SSBP3: variants seen among roughly 807,000 people sequenced by gnomAD.
The protein encoded by SSBP3 is single stranded DNA binding protein 3, also known as single-stranded DNA-binding protein 3.
In SSBP3, 5 loss-of-function variants were observed where a neutral mutation model predicts 69.6. That is an observed-to-expected ratio of 0.07 (90% CI 0.04 to 0.15). SSBP3 has a LOEUF of 0.15. Among genes scored for constraint, SSBP3 ranks in the 10% least tolerant of loss-of-function variants. The pLI is 1.00. For synonymous variants in SSBP3, 196 were observed against 193.4 expected (o/e 1.01, Z -0.11); for missense variants, 312 against 534.0 (o/e 0.58, Z 4.10).
At chr1:54,254,631 G>A (rs190440481) in intron 7 of SSBP3, among the ~76,000 whole-genome samples, 7 of 152,134 alleles carry the variant, frequency 4.6e-5, no homozygotes, top group Non-Finnish European at 7.4e-5. Flanking sequence ...CTCTAGTCTC[G>A]GCTCCCTTTA....
intron 6 of SSBP3, among the ~76,000 whole-genome samples, chr1:54,257,862 T>C (rs1352847658): frequency 6.6e-6 from 1 of 152,240 alleles, no homozygotes; most frequent in Non-Finnish European, 1.5e-5. Context: ...TATTTTTTCC[T>C]TTTGGTTTCG....
intron 7 of SSBP3, 49 bp from the exon 8 acceptor site, chr1:54,251,909 G>C (rs1398479897): frequency 1.3e-6 from 2 of 1,535,626 alleles, no homozygotes; most frequent in African/African-American, 1.4e-5. Flanking sequence ...GGAGCTGCTG[G>C]CCATGGGGAC....
chr1:54,259,640 T>C lies in SSBP3; in HGVS notation c.367-1491A>G, dbSNP rs1644983703. On this transcript the variant is annotated intron_variant, in intron 5 of 17. Coordinates refer to ENST00000610401, the Ensembl canonical transcript of SSBP3. ...GAGCTGCCTAGGTAGGGTTTCCCCC[T>C]TGGCCTTCTCCTGCAGAGCCAGGCT... is the stretch of plus-strand genomic sequence containing the variant. 2.0e-5 allele frequency among the ~76,000 whole-genome samples: 3 copies of C among 152,244 alleles called. No individual in the cohort carries two copies. The South Asian group carries it at 6.2e-4, about 31-fold the overall frequency.
At chr1:54,294,193 AAAG>A (rs1306427658) in intron 4 of SSBP3, among the ~76,000 whole-genome samples, 2 of 150,562 alleles carry the variant, frequency 1.3e-5, no homozygotes, top group African/African-American at 4.9e-5. Flanking sequence ...GAAAGAAAGA[AAAG>A]AAAAAAGAAA....
chr1:54,371,748 G>T (rs184209699), intron 4 of SSBP3, among the ~76,000 whole-genome samples: 26 of 152,178 alleles, frequency 1.7e-4, no homozygotes, highest in Admixed American at 9.2e-4. Context: ...CCGTGCCCAC[G>T]TTTTATCTAA....
At chr1:54,346,732 G>A (rs917069346) in intron 4 of SSBP3, among the ~76,000 whole-genome samples, 3 of 151,284 alleles carry the variant, frequency 2.0e-5, no homozygotes, top group Non-Finnish European at 4.4e-5. Context: ...GGAGAATGGC[G>A]TGAACCCGGG....
At chr1:54,238,841 C>A (rs1049704389) in intron 14 of SSBP3, 2 of 404,826 alleles carry the variant, frequency 4.9e-6, no homozygotes, top group African/African-American at 4.2e-5. Context: ...TACAGCATGG[C>A]GCTTCCCCCA....
chr1:54,254,670 C>T (rs1018773935), intron 7 of SSBP3, among the ~76,000 whole-genome samples: 4 of 152,282 alleles, frequency 2.6e-5, no homozygotes, highest in Admixed American at 1.3e-4. Context: ...TGAGCTAACT[C>T]GGGTGGCACA....
At chr1:54,325,925 C>T (rs988027009) in intron 4 of SSBP3, among the ~76,000 whole-genome samples, 7 of 152,118 alleles carry the variant, frequency 4.6e-5, no homozygotes, top group African/African-American at 1.4e-4. Flanking sequence ...GGGGATTGTA[C>T]TCTCGGGTGG....
chr1:54,307,623 A>G (rs897138965), intron 4 of SSBP3, among the ~76,000 whole-genome samples: 2 of 152,208 alleles, frequency 1.3e-5, no homozygotes, highest in Non-Finnish European at 2.9e-5. Context: ...AAGTCACAGG[A>G]TGAGACAGGA....
chr1:54,285,384 T>G (rs1330557049), intron 4 of SSBP3: 1 of 152,152 alleles, frequency 6.6e-6, no homozygotes, highest in Non-Finnish European at 1.5e-5. Flanking sequence ...GCACCAACCC[T>G]CCTGCAGCTC....
intron 4 of SSBP3, among the ~76,000 whole-genome samples, chr1:54,282,145 T>G (rs1645406696): frequency 6.6e-6 from 1 of 152,208 alleles, no homozygotes; most frequent in Admixed American, 6.5e-5. Context: ...CCAAAGGTAC[T>G]TCCTGCGGTG....
At chr1:54,273,373 T>G (rs1645229500) in intron 5 of SSBP3, among the ~76,000 whole-genome samples, 1 of 152,062 alleles carries the variant, frequency 6.6e-6, no homozygotes, top group Non-Finnish European at 1.5e-5. Context: ...GGCCACAACT[T>G]TTTTTCCTAT....
intron 14 of SSBP3, among the ~76,000 whole-genome samples, chr1:54,231,431 C>T (rs920324160): frequency 2.0e-5 from 3 of 152,176 alleles, no homozygotes; most frequent in African/African-American, 7.2e-5. Context: ...ATTCAAGTCC[C>T]TTATCAGACA....
At chr1:54,288,359 A>G (rs924891691) in intron 4 of SSBP3, among the ~76,000 whole-genome samples, 5 of 152,176 alleles carry the variant, frequency 3.3e-5, no homozygotes, top group African/African-American at 1.2e-4. Flanking sequence ...GACACTGTGG[A>G]TGTCCAAGGA....
At position 54,357,844 on chromosome 1, in the gene SSBP3, C is replaced by G. The variant is rs114266925; in HGVS notation, c.276+44017G>C. On this transcript the variant is annotated intron_variant, in intron 4 of 17. Coordinates refer to ENST00000610401, the Ensembl canonical transcript of SSBP3. ...TGATTTTTGCTAGCATGTTCACCTG[C>G]CTCCCAGTCTTTCCACATGCACAGC... Among the ~76,000 whole-genome samples the G allele has an allele frequency of 1.6e-3, 247 of 152,342 alleles. 3 individuals carry two copies. The highest frequency in any genetic ancestry group is 5.8e-3 in the African/African-American group (240 of 41,580).
intron 9 of SSBP3, among the ~76,000 whole-genome samples, chr1:54,247,576 T>A (rs750315137): frequency 3.3e-5 from 5 of 152,140 alleles, no homozygotes; most frequent in Admixed American, 2.6e-4. Context: ...GGGGGTGGCA[T>A]AGGATTGTCC....
intron 4 of SSBP3, among the ~76,000 whole-genome samples, chr1:54,305,211 C>CTT (rs777547196): frequency 5.3e-4 from 80 of 152,178 alleles, no homozygotes; most frequent in Non-Finnish European, 9.0e-4. Flanking sequence ...CTGCCCAGGG[C>CTT]CTATGACGAG....
At chr1:54,276,317 G>A (rs1047515126) in intron 5 of SSBP3, among the ~76,000 whole-genome samples, 9 of 152,070 alleles carry the variant, frequency 5.9e-5, no homozygotes, top group Non-Finnish European at 1.0e-4. Flanking sequence ...CATCAAGATG[G>A]TCAGCTACTT....
Sources: allele counts gnomAD v4.1 joint callset (sites outside exome capture counted in the v4.1 genomes callset), GRCh38; gene constraint gnomAD v4.1.1; transcripts MANE v1.5; gene names NCBI Gene and HGNC (gene_info 2026-07-23, HGNC 2026-07-21).